The following RASGRF1 variants were observed in gnomAD, a reference collection of about 807,000 sequenced individuals.
RASGRF1 encodes ras-specific guanine nucleotide-releasing factor 1.
Under a neutral mutation model 138.7 loss-of-function variants are expected in RASGRF1, and 40 were observed. The observed-to-expected ratio is 0.29, with a 90% CI of 0.22 to 0.38. The LOEUF is 0.38. RASGRF1 is among the 10% of genes least tolerant of loss of function. RASGRF1 has a pLI of 1.00. For missense variants in RASGRF1, 1,108 were observed against 1,650.4 expected (o/e 0.67, Z 5.69); for synonymous variants, 614 against 663.2 (o/e 0.93, Z 1.14).
At chr15:78,997,155 C>A (rs1167917382) in intron 19 of RASGRF1, among the ~76,000 whole-genome samples, 1 of 152,238 alleles carries the variant, frequency 6.6e-6, no homozygotes, top group Non-Finnish European at 1.5e-5. Flanking sequence ...ACTGGCTGAG[C>A]ATCTCAGACA....
chr15:79,069,095 C>T (rs1298565539), intron 1 of RASGRF1, among the ~76,000 whole-genome samples: 1 of 152,124 alleles, frequency 6.6e-6, no homozygotes. Context: ...CCTGGCTGAC[C>T]CTTTGGTCTT....
In RASGRF1 at chr15:79,006,106, C is replaced by T. The variant is rs2056667691; in HGVS notation, c.2075+80G>A. The T allele has an allele frequency of 3.8e-6, 6 of 1,583,600 alleles. No individual in the cohort carries two copies. The highest frequency in any genetic ancestry group is 5.2e-6 in the Non-Finnish European group (6 of 1,161,958). On this transcript the variant is annotated intron_variant, in intron 14 of 26. Coordinates refer to ENST00000558480, the MANE Select transcript of RASGRF1 (RefSeq NM_001145648.3). This position sits in a 1 kb window ranked among gnomAD's most constrained non-coding sequence, Gnocchi z 4.0. ...TCCTCCAGGGACCTTCCAGGTCACC[C>T]CCCGGCCCCGTGCAAGCTCAGTTTT...
intron 26 of RASGRF1, among the ~76,000 whole-genome samples, chr15:78,963,165 TGA>T (rs1054267828): frequency 6.6e-6 from 1 of 152,236 alleles, no homozygotes; most frequent in Non-Finnish European, 1.5e-5. Flanking sequence ...AAATGTGCAA[TGA>T]GAGATCTGAG....
chr15:78,967,578 A>G (rs2141589445), intron 26 of RASGRF1, among the ~76,000 whole-genome samples: 1 of 152,160 alleles, frequency 6.6e-6, no homozygotes, highest in African/African-American at 2.4e-5. Context: ...ATAAATAAAA[A>G]TAAGTTAAAA....
rs1309994268 is a variant in RASGRF1 at position 79,006,088 on chromosome 15, G to A, written c.2075+98C>T. The A allele has an allele frequency of 9.8e-6, 15 of 1,531,292 alleles. No individual in the cohort carries two copies. The highest frequency in any genetic ancestry group is 1.4e-5 in the African/African-American group (1 of 73,394). 94.9% of individuals were successfully genotyped at this position (1,531,292 alleles called of 1,614,324 possible). ...CCAACACGTTACTGCTGCTCCTCCA[G>A]GGACCTTCCAGGTCACCCCCCGGCC... On this transcript the variant is annotated intron_variant, in intron 14 of 26. Transcript: ENST00000558480. The surrounding 1 kb of genome is among the most constrained non-coding windows in gnomAD (Gnocchi z 4.0).
rs758189645 is a variant in RASGRF1, at chr15:79,003,882, C to G, written c.2369G>C (p.Ser790Thr). 2 of 1,614,102 alleles carry G rather than the reference C, an allele frequency of 1.2e-6. No individual in the cohort carries two copies. Among genetic ancestry groups the G allele is most frequent in the Admixed American group, 3.3e-5 (2 of 60,026 alleles). Residue 790 changes from serine (S) to threonine (T), a missense_variant, in exon 15 of 27, where the codon AGC becomes ACC. Around this residue, in one of 3 missense-constraint regions of RASGRF1, gnomAD observed 686 missense variants for 976.7 expected, o/e 0.70. Coordinates refer to ENST00000558480, the MANE Select transcript of RASGRF1 (RefSeq NM_001145648.3). ...TLDTSKLYVSSSFTNKIPDEG... is the reference protein window; with the variant it reads ...TLDTSKLYVSTSFTNKIPDEG... ...ATCTGGAATCTTGTTGGTGAAGCTG[C>G]TGGACACATAGAGCTTGCTGGTGTC...
Position 79,064,418 on chromosome 15 carries a change from A to T in RASGRF1, c.383+2T>A. ...CTTCCTGCCCTGGGCAAGGAGACAT[A>T]CCTGGCATGTGCAATGGCTGCCACC... On this transcript the variant is annotated splice_donor_variant, in intron 2 of 26. Transcript: ENST00000558480. LOFTEE classifies it high-confidence loss of function. 1 of 1,613,380 alleles carries T rather than the reference A, an allele frequency of 6.2e-7. No homozygotes were observed. Among genetic ancestry groups the T allele is most frequent in the South Asian group, 1.1e-5 (1 of 91,056 alleles).
chr15:78,995,617 T>C, intron 20 of RASGRF1, 123 bp downstream of exon 20: 1 of 1,196,482 alleles, frequency 8.4e-7, no homozygotes, highest in Non-Finnish European at 1.2e-6. Flanking sequence ...CCGCCCAGTT[T>C]GTGGTATTTT....
chr15:79,072,781 C>A (rs1251346192), intron 1 of RASGRF1, among the ~76,000 whole-genome samples: 1 of 152,174 alleles, frequency 6.6e-6, no homozygotes, highest in Admixed American at 6.5e-5. Flanking sequence ...TCCAAAGCTG[C>A]AGAGTAAAAA....
chr15:79,056,924 G>C (rs62011242), intron 3 of RASGRF1, among the ~76,000 whole-genome samples: 18,247 of 152,172 alleles, frequency 0.12, 1,158 homozygotes, highest in Non-Finnish European at 0.13. Flanking sequence ...TTTAGTGAGT[G>C]GAATTTGATG....
intron 2 of RASGRF1, among the ~76,000 whole-genome samples, chr15:79,059,078 T>A (rs1595949688): frequency 6.6e-6 from 1 of 152,088 alleles, no homozygotes; most frequent in Admixed American, 6.5e-5. Flanking sequence ...CCCTCCCTCC[T>A]TCTGTCCCTC....
chr15:78,996,849 T>A (rs1490513598), intron 19 of RASGRF1, among the ~76,000 whole-genome samples: 1 of 152,088 alleles, frequency 6.6e-6, no homozygotes, highest in Non-Finnish European at 1.5e-5. Flanking sequence ...GGCCCCAGCA[T>A]GGGGCCTCCA....
chr15:79,003,339 C>T (rs1371500511), intron 15 of RASGRF1, among the ~76,000 whole-genome samples: 3 of 152,226 alleles, frequency 2.0e-5, no homozygotes, highest in African/African-American at 4.8e-5. Flanking sequence ...ACAAGCCATT[C>T]GTATCAGGTG....
Position 78,973,234 on chromosome 15 carries a change from G to A in RASGRF1, c.3612+69C>T. 1 of 1,298,750 alleles carries A rather than the reference G, an allele frequency of 7.7e-7. No homozygotes were observed. The highest frequency in any genetic ancestry group is 1.1e-6 in the Non-Finnish European group (1 of 926,422). 80.5% of individuals were successfully genotyped at this position (1,298,750 alleles called of 1,614,324 possible). ...GTTGGGCCTTGGGGGGCAGAGTGTG[G>A]GTGGGCCCCAGGTTGAGTCATCTGG... On this transcript the variant is annotated intron_variant, in intron 25 of 26. Coordinates refer to ENST00000558480, the MANE Select transcript of RASGRF1 (RefSeq NM_001145648.3). This position sits in a 1 kb window ranked among gnomAD's most constrained non-coding sequence, Gnocchi z 4.9.
chr15:79,018,217 C>T (rs994002821), intron 11 of RASGRF1, among the ~76,000 whole-genome samples: 4 of 152,216 alleles, frequency 2.6e-5, no homozygotes, highest in African/African-American at 9.7e-5. Context: ...CGAGGACTTG[C>T]CCAAGGCTCC....
Position 78,995,722 on chromosome 15 carries a change from A to G in RASGRF1, c.3027+18T>C. ...GGGGAGGAAAGCCTTGGAAAGCAAG[A>G]GGGCAGGCCCAGCTCACCATCTGCG... On this transcript the variant is annotated intron_variant, in intron 20 of 26. Transcript: ENST00000558480. The G allele has an allele frequency of 6.2e-7, 1 of 1,614,070 alleles. No homozygotes were observed. The highest frequency in any genetic ancestry group is 8.5e-7 in the Non-Finnish European group (1 of 1,179,944).
Position 79,049,558 on chromosome 15 carries a change from T to C in RASGRF1, c.562A>G (p.Ile188Val), listed in dbSNP as rs746724801. 6.2e-7 allele frequency: 1 copy of C among 1,613,970 alleles called. No individual in the cohort carries two copies. The highest frequency in any genetic ancestry group is 1.1e-5 in the South Asian group (1 of 91,050). ...GGGGCGACAGTCTGGGTGGACTGGA[T>C]GCGCTCATTGTCCTTGAGCAGGGAT... ...ITSLLKDNER[I>V]QSTQTVAPND... The change falls in exon 4 of 27, where the codon ATC becomes GTC. Residue 188 changes from isoleucine to valine, a missense_variant. Physicochemically the swap from Ile to Val is conservative, Grantham distance 29. Coordinates refer to ENST00000558480, the MANE Select transcript of RASGRF1 (RefSeq NM_001145648.3).
chr15:79,036,804 G>A (rs1450415883), intron 5 of RASGRF1, among the ~76,000 whole-genome samples: 1 of 152,056 alleles, frequency 6.6e-6, no homozygotes, highest in African/African-American at 2.4e-5. Flanking sequence ...AAGGGAGGAA[G>A]AAAGGGAGGG....
At chr15:79,037,236 T>G (rs1318514993) in intron 5 of RASGRF1, among the ~76,000 whole-genome samples, 1 of 151,982 alleles carries the variant, frequency 6.6e-6, no homozygotes, top group East Asian at 1.9e-4. Context: ...AATGTCTGAC[T>G]TGAGGTGGGA....
Sources: gnomAD v4.1 joint callset for allele counts (sites outside exome capture counted in the v4.1 genomes callset) on GRCh38, gnomAD v4.1.1 for gene constraint, gnomAD v4.1.1 regional missense constraint, Gnocchi (gnomAD v3.1) non-coding constraint, MANE v1.5 for transcripts, NCBI Gene and HGNC (gene_info 2026-07-23, HGNC 2026-07-21) for gene names.